RALY: variants seen among roughly 807,000 people sequenced by gnomAD.
RALY encodes RNA-binding protein Raly.
RALY carries 15 observed loss-of-function variants against 30.7 expected under a neutral mutation model. The ratio of observed to expected loss-of-function variants is 0.49; its 90% CI spans 0.33 to 0.75. RALY has a LOEUF of 0.75. RALY is among the 30% of genes least tolerant of loss of function. RALY has a pLI of 0.02. For missense variants in RALY, 339 were observed against 414.3 expected (o/e 0.82, Z 1.58); for synonymous variants, 177 against 170.8 (o/e 1.04, Z -0.28).
At chr20:34,033,543 A>G (rs994760757) in intron 2 of RALY, among the ~76,000 whole-genome samples, 18 of 152,084 alleles carry the variant, frequency 1.2e-4, no homozygotes, top group African/African-American at 4.3e-4. Flanking sequence ...TAAGAAAGGG[A>G]GAGGGGAGAT....
intron 1 of RALY, among the ~76,000 whole-genome samples, chr20:33,999,500 C>T (rs1305556600): frequency 1.3e-5 from 2 of 152,124 alleles, no homozygotes; most frequent in African/African-American, 4.8e-5. Context: ...CCGGGTGTGG[C>T]ACAGCCTGGA....
At position 34,078,488 on chromosome 20, in the gene RALY, T is replaced by TA; in HGVS notation, c.877-16dup. 1 of 1,575,062 alleles carries TA rather than the reference T, an allele frequency of 6.3e-7. No homozygotes were observed. Among genetic ancestry groups the TA allele is most frequent in the African/African-American group, 1.4e-5 (1 of 73,340 alleles). ...GCAATGAGTGATGTGTGGTCTCTCT[T>TA]ACCTCCTCCCTATCAGGAACACAGC... On this transcript the variant is annotated splice_polypyrimidine_tract_variant and intron_variant, in intron 8 of 9. Coordinates refer to ENST00000246194, the MANE Select transcript of RALY (RefSeq NM_016732.3).
At chr20:33,996,672 C>T (rs143929270) in intron 1 of RALY, among the ~76,000 whole-genome samples, 2 of 152,032 alleles carry the variant, frequency 1.3e-5, no homozygotes, top group South Asian at 2.1e-4. Flanking sequence ...ACCATTTAAC[C>T]GTTTCAAAGT....
chr20:34,073,893 C>T (rs953124272), intron 5 of RALY, 27 bp downstream of exon 5: 14 of 1,607,118 alleles, frequency 8.7e-6, no homozygotes, highest in Non-Finnish European at 1.2e-5. Context: ...CGTGCCCAGG[C>T]ATGAAACAGC....
rs932699381 is a variant in RALY at position 34,023,889 on chromosome 20, T to C, written c.-92-7633T>C. Among the ~76,000 whole-genome samples, 4 of 152,098 alleles carry C rather than the reference T, an allele frequency of 2.6e-5. No individual in the cohort carries two copies. The South Asian group carries it at 8.3e-4, about 32-fold the overall frequency. On this transcript the variant is annotated intron_variant, in intron 1 of 9. Coordinates refer to ENST00000246194, the MANE Select transcript of RALY (RefSeq NM_016732.3). ...GCAAATTTCAAGCTTACATATCAGTTTTTGAATAGGTATTCAAAAACCAAT... is the reference window on the plus strand; with the variant it reads ...GCAAATTTCAAGCTTACATATCAGTCTTTGAATAGGTATTCAAAAACCAAT...
At chr20:34,065,875 T>C (rs774932392) in intron 2 of RALY, among the ~76,000 whole-genome samples, 7 of 152,140 alleles carry the variant, frequency 4.6e-5, no homozygotes, top group Non-Finnish European at 7.4e-5. Flanking sequence ...ATAAATAGCA[T>C]TGGGGGCATC....
At chr20:34,016,653 T>A (rs1208711670) in intron 1 of RALY, 1 of 152,278 alleles carries the variant, frequency 6.6e-6, no homozygotes, top group African/African-American at 2.4e-5. Flanking sequence ...CAAGTTTCTT[T>A]TCTGGACATC....
chr20:34,008,147 C>A (rs2031244857), intron 1 of RALY, among the ~76,000 whole-genome samples: 1 of 152,120 alleles, frequency 6.6e-6, no homozygotes, highest in Non-Finnish European at 1.5e-5. Flanking sequence ...TGCTGTAAGT[C>A]TAGTATGGAA....
chr20:34,007,820 CA>C (rs10649045), intron 1 of RALY, among the ~76,000 whole-genome samples: 1,860 of 101,512 alleles, frequency 0.018, 38 homozygotes, highest in African/African-American at 0.049. Context: ...AACTCCGTCT[CA>C]AAAAAAAAAA....
At chr20:34,071,205 G>A (rs570677598) in intron 2 of RALY, among the ~76,000 whole-genome samples, 145 of 152,154 alleles carry the variant, frequency 9.5e-4, no homozygotes, top group South Asian at 4.1e-3. Flanking sequence ...AACCATTATC[G>A]GGCTTAGCTA....
At position 34,083,946 on chromosome 20, in the gene RALY, A is replaced by G. The variant is rs189159558; in HGVS notation, c.*4041A>G. On this transcript the variant is annotated 3_prime_UTR_variant, in exon 10 of 10. Coordinates refer to ENST00000246194, the MANE Select transcript of RALY (RefSeq NM_016732.3). ...AGATTCTTCATAATAAACTTCCTCCATAACAGTAAACCATTTCCTGAACAC... is the reference window on the plus strand; with the variant it reads ...AGATTCTTCATAATAAACTTCCTCCGTAACAGTAAACCATTTCCTGAACAC... 1.3e-5 allele frequency: 2 copies of G among 152,344 alleles called. No individual in the cohort carries two copies. The highest frequency in any genetic ancestry group is 4.8e-5 in the African/African-American group (2 of 41,574). 9.4% of individuals were successfully genotyped at this position (152,344 alleles called of 1,614,324 possible). A position where few individuals can be genotyped will look rare whatever the true frequency, so the allele number is the denominator to read the frequency against.
chr20:34,082,650 C>T lies in RALY; in HGVS notation c.*2745C>T, dbSNP rs948365475. On this transcript the variant is annotated 3_prime_UTR_variant, in exon 10 of 10. Transcript: ENST00000246194. ...ATGCTGGACAGGGAGAACGAGAGTCCCATCCTGGAACTCCAGAAAAGCCCC... is the reference window on the plus strand; with the variant it reads ...ATGCTGGACAGGGAGAACGAGAGTCTCATCCTGGAACTCCAGAAAAGCCCC... 1 of 152,268 alleles carries T rather than the reference C, an allele frequency of 6.6e-6. No individual in the cohort carries two copies. The highest frequency in any genetic ancestry group is 2.4e-5 in the African/African-American group (1 of 41,412). The allele number at this position is 152,268 out of a possible 1,614,324, so 9.4% of individuals were successfully genotyped here.
chr20:34,056,134 C>G (rs564327991), intron 2 of RALY, among the ~76,000 whole-genome samples: 1 of 152,306 alleles, frequency 6.6e-6, no homozygotes, highest in Non-Finnish European at 1.5e-5. Flanking sequence ...GCTAGGCACT[C>G]TAGTATCATC....
intron 2 of RALY, among the ~76,000 whole-genome samples, chr20:34,056,832 A>C (rs1288469298): frequency 1.3e-5 from 2 of 152,232 alleles, no homozygotes; most frequent in Non-Finnish European, 2.9e-5. Context: ...AACAGTGTAA[A>C]TTGGTGTAAC....
intron 2 of RALY, among the ~76,000 whole-genome samples, chr20:34,058,646 ACT>A (rs1212165098): frequency 6.6e-6 from 1 of 152,020 alleles, no homozygotes; most frequent in African/African-American, 2.4e-5. Flanking sequence ...GCTAGGGTTT[ACT>A]CTCTGCACTA....
At chr20:34,071,353 C>A (rs1414783832) in intron 2 of RALY, among the ~76,000 whole-genome samples, 1 of 151,634 alleles carries the variant, frequency 6.6e-6, no homozygotes, top group Non-Finnish European at 1.5e-5. Flanking sequence ...CAGTGGCTTA[C>A]TGCAACCTCC....
At chr20:34,074,669 G>A (rs1041281416) in intron 5 of RALY, among the ~76,000 whole-genome samples, 1 of 152,068 alleles carries the variant, frequency 6.6e-6, no homozygotes, top group Non-Finnish European at 1.5e-5. Context: ...TGGATTATGT[G>A]ATCTTGGGCA....
At chr20:34,072,386 A>C in intron 3 of RALY, 56 bp downstream of exon 3, 1 of 1,553,088 alleles carries the variant, frequency 6.4e-7, no homozygotes, top group Non-Finnish European at 8.7e-7. Context: ...TGCTATCACT[A>C]TCCAGTTCTC....
chr20:34,047,018 C>T (rs992718819), intron 2 of RALY, among the ~76,000 whole-genome samples: 2 of 151,956 alleles, frequency 1.3e-5, no homozygotes, highest in African/African-American at 4.8e-5. Context: ...GGGGTTTCTC[C>T]ATGTTGGTCA....
Sources: allele counts gnomAD v4.1 joint callset (sites outside exome capture counted in the v4.1 genomes callset), GRCh38; gene constraint gnomAD v4.1.1; transcripts MANE v1.5; gene names NCBI Gene and HGNC (gene_info 2026-07-23, HGNC 2026-07-21).